STAG1: variants seen among roughly 807,000 people sequenced by gnomAD.
STAG1 encodes the protein cohesin subunit SA-1.
Under a neutral mutation model 170.9 loss-of-function variants are expected in STAG1, and 26 were observed. That is an observed-to-expected ratio of 0.15 (90% CI 0.11 to 0.21). The LOEUF is 0.21. Among genes scored for constraint, STAG1 ranks in the 10% least tolerant of loss-of-function variants. The pLI, the probability that STAG1 is intolerant of heterozygous loss-of-function variation, is 1.00. For missense variants in STAG1, 964 were observed against 1,509.5 expected, an observed-to-expected ratio of 0.64 and a Z score of 5.99; for synonymous variants, 514 against 497.7, an observed-to-expected ratio of 1.03 and a Z score of -0.44.
chr3:136,644,326 T>C lies in STAG1; in HGVS notation c.-83-13345A>G, dbSNP rs115316162. 6.5e-3 allele frequency among the ~76,000 whole-genome samples: 985 copies of C among 152,314 alleles called. 12 individuals are homozygous for C. The highest frequency in any genetic ancestry group is 0.023 in the African/African-American group (936 of 41,572). On this transcript the variant is annotated intron_variant, in intron 1 of 33. Coordinates refer to ENST00000383202, the MANE Select transcript of STAG1 (RefSeq NM_005862.3). ...TAGGGGAAGAACAAGTTAAGTGAAG[T>C]ATAAAAGTATCAGAATAATCATAAC...
intron 16 of STAG1, among the ~76,000 whole-genome samples, chr3:136,432,027 G>A (rs114452756): frequency 0.029 from 4,469 of 151,762 alleles, 76 homozygotes; most frequent in Middle Eastern, 0.051. Context: ...TTTCCTTCTG[G>A]GATTCCCATT....
rs555379254 is a variant in STAG1, at chr3:136,640,022, A to T, written c.-83-9041T>A. On this transcript the variant is annotated intron_variant, in intron 1 of 33. Transcript: ENST00000383202. Reference sequence around the variant, plus strand: ...CCCCTTTCCACATAATTACTACAAAAATCACTCACAAAAACCTGTAAGTTT... The same window carrying T: ...CCCCTTTCCACATAATTACTACAAATATCACTCACAAAAACCTGTAAGTTT... 2.6e-5 allele frequency among the ~76,000 whole-genome samples: 4 copies of T among 152,326 alleles called. No homozygotes were observed. The East Asian group carries it at 7.7e-4, about 29-fold the overall frequency.
At chr3:136,659,146 G>C (rs572277549) in intron 1 of STAG1, among the ~76,000 whole-genome samples, 1 of 152,156 alleles carries the variant, frequency 6.6e-6, no homozygotes, top group South Asian at 2.1e-4. Context: ...CACAGAACGC[G>C]AGTGATAGCT....
intron 3 of STAG1, among the ~76,000 whole-genome samples, chr3:136,615,064 G>A (rs543063802): frequency 1.1e-4 from 16 of 152,046 alleles, no homozygotes; most frequent in Admixed American, 9.2e-4. Context: ...TTTTAGTACC[G>A]AGAAGCAGGA....
At chr3:136,600,420 C>T (rs1938611653) in intron 4 of STAG1, among the ~76,000 whole-genome samples, 1 of 152,214 alleles carries the variant, frequency 6.6e-6, no homozygotes, top group African/African-American at 2.4e-5. Context: ...AAAGCATATG[C>T]TTTTCTGCCC....
intron 22 of STAG1, among the ~76,000 whole-genome samples, chr3:136,381,696 A>G (rs1418708367): frequency 6.6e-6 from 1 of 152,332 alleles, no homozygotes; most frequent in East Asian, 1.9e-4. Context: ...GACCTTTTTA[A>G]TAGAAAAGAT....
At chr3:136,465,781 T>C (rs566821640) in intron 12 of STAG1, among the ~76,000 whole-genome samples, 1 of 152,034 alleles carries the variant, frequency 6.6e-6, no homozygotes, top group South Asian at 2.1e-4. Flanking sequence ...AAATACTAAA[T>C]ACTATTCTAA....
chr3:136,676,071 C>T (rs1942121162), intron 1 of STAG1, among the ~76,000 whole-genome samples: 1 of 152,176 alleles, frequency 6.6e-6, no homozygotes, highest in South Asian at 2.1e-4. Context: ...AACTGCAACA[C>T]AATAGTAAGC....
chr3:136,566,578 A>T (rs1937083271), intron 5 of STAG1, among the ~76,000 whole-genome samples: 1 of 152,222 alleles, frequency 6.6e-6, no homozygotes, highest in African/African-American at 2.4e-5. Flanking sequence ...ATCAGACTGA[A>T]ATATTATCTT....
At chr3:136,570,249 T>C (rs1226582264) in intron 4 of STAG1, among the ~76,000 whole-genome samples, 1 of 152,234 alleles carries the variant, frequency 6.6e-6, no homozygotes, top group Non-Finnish European at 1.5e-5. Flanking sequence ...ATTATACTGA[T>C]GCATATTACC....
chr3:136,629,973 A>G (rs559033633), intron 2 of STAG1, among the ~76,000 whole-genome samples: 3 of 152,144 alleles, frequency 2.0e-5, no homozygotes, highest in African/African-American at 7.2e-5. Flanking sequence ...AGGTGGGCAG[A>G]CCACCTGAGG....
intron 25 of STAG1, among the ~76,000 whole-genome samples, 184 bp from the exon 26 acceptor site, chr3:136,363,651 ATAAC>A (rs1560059777): frequency 6.6e-6 from 1 of 152,250 alleles, no homozygotes; most frequent in African/African-American, 2.4e-5. Flanking sequence ...CAGGAGTTAA[ATAAC>A]TAAAGTTACA....
intron 15 of STAG1, among the ~76,000 whole-genome samples, chr3:136,441,679 C>T (rs1299229967): frequency 1.3e-5 from 2 of 152,032 alleles, no homozygotes; most frequent in South Asian, 2.1e-4. Context: ...TAGTCTACTG[C>T]GGGGGATGGC....
In STAG1 at chr3:136,458,297, C is replaced by T. The variant is rs141399391; in HGVS notation, c.1314-6150G>A. Among the ~76,000 whole-genome samples, 15 of 152,260 alleles carry T rather than the reference C, an allele frequency of 9.9e-5. No individual in the cohort carries two copies. The East Asian group carries it at 2.9e-3, about 29-fold the overall frequency. Reference sequence around the variant, plus strand: ...TCAACCTCCCAAGTAGCTGGAATTACAGGCACCTGCCATCACGCCTGGCTG... The same window carrying T: ...TCAACCTCCCAAGTAGCTGGAATTATAGGCACCTGCCATCACGCCTGGCTG... On this transcript the variant is annotated intron_variant, in intron 13 of 33. Coordinates refer to ENST00000383202, the MANE Select transcript of STAG1 (RefSeq NM_005862.3).
intron 7 of STAG1, among the ~76,000 whole-genome samples, chr3:136,510,956 A>G (rs538930337): frequency 1.3e-5 from 2 of 152,128 alleles, no homozygotes; most frequent in South Asian, 4.2e-4. Flanking sequence ...TATTTTTAGT[A>G]GAGATAGGTT....
chr3:136,711,250 G>A (rs1186723209), intron 1 of STAG1, among the ~76,000 whole-genome samples: 1 of 152,148 alleles, frequency 6.6e-6, no homozygotes, highest in African/African-American at 2.4e-5. Flanking sequence ...TTTGGTTGGA[G>A]GTTAAGTTGG....
intron 13 of STAG1, among the ~76,000 whole-genome samples, chr3:136,454,650 G>T (rs193003510): frequency 3.2e-4 from 49 of 152,338 alleles, no homozygotes; most frequent in Non-Finnish European, 1.2e-4. Context: ...AAAGTGCTGG[G>T]ATTATGGGGA....
At chr3:136,714,702 T>C (rs954208561) in intron 1 of STAG1, among the ~76,000 whole-genome samples, 1 of 151,906 alleles carries the variant, frequency 6.6e-6, no homozygotes, top group Non-Finnish European at 1.5e-5. Flanking sequence ...CACTCCAGCC[T>C]GGGTGACACA....
chr3:136,528,604 G>C (rs530832193), intron 6 of STAG1, among the ~76,000 whole-genome samples: 80 of 148,710 alleles, frequency 5.4e-4, no homozygotes, highest in Admixed American at 1.2e-3. Context: ...AGAGGAGTCA[G>C]CAAAACAATT....
Sources: allele counts gnomAD v4.1 joint callset (sites outside exome capture counted in the v4.1 genomes callset), GRCh38; gene constraint gnomAD v4.1.1; transcripts MANE v1.5; gene names NCBI Gene and HGNC (gene_info 2026-07-23, HGNC 2026-07-21).